Variants in CLIC5 observed in about 807,000 individuals in gnomAD.
The protein encoded by CLIC5 is CLIC family member 5, also known as chloride intracellular channel protein 5.
Under a neutral mutation model 24.7 loss-of-function variants are expected in CLIC5, and 20 were observed. The ratio of observed to expected loss-of-function variants is 0.81; its 90% CI spans 0.57 to 1.18. CLIC5 has a LOEUF of 1.18. Ranked by LOEUF, CLIC5 falls within the 50% of genes most tolerant of loss-of-function variation. The pLI, the probability that CLIC5 is intolerant of heterozygous loss-of-function variation, is 0.00. For synonymous variants in CLIC5, 159 were observed against 135.6 expected (o/e 1.17, Z -1.20); for missense variants, 341 against 326.1 (o/e 1.05, Z -0.35).
intron 4 of CLIC5, among the ~76,000 whole-genome samples, chr6:45,937,952 GA>G (rs1338358976): frequency 6.6e-6 from 1 of 152,192 alleles, no homozygotes; most frequent in African/African-American, 2.4e-5. Context: ...TTCATTTTGA[GA>G]GGGCAGAAAA....
At chr6:45,961,117 A>G (rs1374383599) in intron 1 of CLIC5, among the ~76,000 whole-genome samples, 2 of 152,196 alleles carry the variant, frequency 1.3e-5, no homozygotes, top group Non-Finnish European at 2.9e-5. Context: ...TGACTTCTTT[A>G]AAAACCTGGC....
intron 1 of CLIC5, among the ~76,000 whole-genome samples, chr6:46,060,237 T>G (rs9472680): frequency 6.6e-6 from 1 of 152,150 alleles, no homozygotes; most frequent in Admixed American, 6.5e-5. Context: ...TAAGAAGAGC[T>G]GAGGCATCCA....
At chr6:46,079,294 C>G (rs1043603322) in intron 1 of CLIC5, among the ~76,000 whole-genome samples, 1 of 152,152 alleles carries the variant, frequency 6.6e-6, no homozygotes, top group African/African-American at 2.4e-5. Context: ...AAATCTGTGA[C>G]CTTAGAAGCA....
rs527998231 is a variant in CLIC5, at chr6:45,898,477, C to G, written c.*4611G>C. The G allele has an allele frequency of 6.6e-6, 1 of 152,548 alleles. No homozygotes were observed. 9.4% of individuals were successfully genotyped at this position (152,548 alleles called of 1,614,324 possible). ...TTTGTAATATTTGAAAATAAACCAA[C>G]TTTATTTGAATCAGTCAATACCAAT... On this transcript the variant is annotated 3_prime_UTR_variant, in exon 6 of 6. Coordinates refer to ENST00000339561, the MANE Select transcript of CLIC5 (RefSeq NM_016929.5).
chr6:46,125,944 T>C, the CLIC5 span, among the ~76,000 whole-genome samples: 2 of 152,238 alleles, frequency 1.3e-5, no homozygotes, highest in African/African-American at 2.4e-5. Context: ...GACTGAGGCA[T>C]GTCCCCATCA....
At chr6:46,005,413 G>A (rs777532025) in intron 1 of CLIC5, among the ~76,000 whole-genome samples, 5 of 152,184 alleles carry the variant, frequency 3.3e-5, no homozygotes, top group Non-Finnish European at 5.9e-5. Context: ...AACCAGAGAC[G>A]TGCTGCAAAG....
chr6:45,881,163 C>T (rs563609584), exon 7 of CLIC5: 1 of 398,168 alleles, frequency 2.5e-6, no homozygotes, highest in Non-Finnish European at 4.4e-6. Flanking sequence ...CTACTCCATG[C>T]CCCCTTTTTT....
intron 4 of CLIC5, among the ~76,000 whole-genome samples, chr6:45,939,974 T>C (rs559261071): frequency 6.6e-6 from 1 of 152,270 alleles, no homozygotes; most frequent in East Asian, 1.9e-4. Flanking sequence ...TCTTCTTATT[T>C]CCCAGAAGCC....
At chr6:45,883,976 G>C (rs1208873246) in intron 6 of CLIC5, 1 of 152,270 alleles carries the variant, frequency 6.6e-6, no homozygotes, top group Non-Finnish European at 1.5e-5. Flanking sequence ...GACGAGTCAG[G>C]TTGGGACCAG....
intron 1 of CLIC5, among the ~76,000 whole-genome samples, chr6:46,003,359 C>G (rs1766428384): frequency 2.0e-5 from 3 of 152,316 alleles, no homozygotes; most frequent in South Asian, 4.1e-4. Flanking sequence ...CCCGCTATCT[C>G]TTTCCCAACA....
At chr6:45,950,185 A>C (rs1235800665) in intron 2 of CLIC5, among the ~76,000 whole-genome samples, 1 of 152,244 alleles carries the variant, frequency 6.6e-6, no homozygotes, top group Non-Finnish European at 1.5e-5. Flanking sequence ...TTCAAGCTCC[A>C]TGAGGGAAAG....
chr6:46,088,230 T>A, the CLIC5 span, among the ~76,000 whole-genome samples: 2 of 151,616 alleles, frequency 1.3e-5, no homozygotes, highest in East Asian at 3.9e-4. Flanking sequence ...ATATAGTATA[T>A]ATTATAAAAA....
intron 1 of CLIC5, among the ~76,000 whole-genome samples, chr6:45,984,414 G>A (rs1005645536): frequency 5.3e-5 from 8 of 152,176 alleles, no homozygotes; most frequent in African/African-American, 1.9e-4. Flanking sequence ...GCTTGACATT[G>A]ACTTCTACCC....
chr6:46,090,943 A>C, the CLIC5 span, among the ~76,000 whole-genome samples: 17 of 152,178 alleles, frequency 1.1e-4, no homozygotes, highest in African/African-American at 4.1e-4. Context: ...TGATCAAATA[A>C]GGCAAACAAC....
At chr6:46,019,264 T>C (rs1331043569), upstream of CLIC5, among the ~76,000 whole-genome samples, 2 of 152,220 alleles carry the variant, frequency 1.3e-5, no homozygotes, top group Non-Finnish European at 2.9e-5. Context: ...AGCTGAAGAT[T>C]GTTGGATTGC....
chr6:46,090,619 C>A, the CLIC5 span, among the ~76,000 whole-genome samples: 18 of 152,126 alleles, frequency 1.2e-4, no homozygotes, highest in Non-Finnish European at 2.1e-4. Flanking sequence ...TTATGATGCA[C>A]AACACGATGC....
chr6:46,037,016 T>C (rs939365997), intron 1 of CLIC5, among the ~76,000 whole-genome samples: 2 of 152,214 alleles, frequency 1.3e-5, no homozygotes, highest in African/African-American at 4.8e-5. Context: ...TCCCCCATTT[T>C]TTTTTCATCC....
chr6:45,950,519 G>A (rs573898735), intron 2 of CLIC5, among the ~76,000 whole-genome samples: 4 of 152,284 alleles, frequency 2.6e-5, no homozygotes, highest in South Asian at 2.1e-4. Context: ...GTTGTGAGCC[G>A]TTGATGGCAC....
chr6:45,929,988 G>C (rs983418622), intron 4 of CLIC5, among the ~76,000 whole-genome samples: 1 of 152,306 alleles, frequency 6.6e-6, no homozygotes. Flanking sequence ...GTGACACGGG[G>C]GCTGGGGGCT....
Sources: allele counts gnomAD v4.1 joint callset (sites outside exome capture counted in the v4.1 genomes callset), GRCh38; gene constraint gnomAD v4.1.1; transcripts MANE v1.5; gene names NCBI Gene and HGNC (gene_info 2026-07-23, HGNC 2026-07-21).